Variants in NLRP7 observed in about 807,000 individuals in gnomAD.
NLRP7 encodes the protein NACHT, LRR and PYD domains-containing protein 7.
Under a neutral mutation model 85.5 loss-of-function variants are expected in NLRP7, and 72 were observed. The observed-to-expected ratio is 0.84, with a 90% CI of 0.70 to 1.02. The LOEUF is 1.02. Among genes scored for constraint, NLRP7 ranks in the 50% least tolerant of loss-of-function variants. The pLI is 0.00. For missense variants in NLRP7, 1,243 were observed against 1,219.5 expected (o/e 1.02, Z -0.29); for synonymous variants, 550 against 505.2 (o/e 1.09, Z -1.19).
intron 1 of NLRP7, among the ~76,000 whole-genome samples, chr19:54,964,349 T>C (rs1385828602): frequency 1.3e-5 from 2 of 149,264 alleles, no homozygotes; most frequent in Non-Finnish European, 1.5e-5. Flanking sequence ...CCCGAGTAGC[T>C]GGGACTACAG....
Position 54,934,749 on chromosome 19 carries a change from G to C in NLRP7, c.2301-90C>G. ...TTTTGAGACAGAGTTTCACTCTGTT[G>C]CCCAGTCTGGAATGCAAAGGCGTGA... On this transcript the variant is annotated intron_variant, in intron 6 of 9. Transcript: ENST00000340844. The surrounding 1 kb of genome is among the most constrained non-coding windows in gnomAD (Gnocchi z 6.7). 9.1e-7 allele frequency: 1 copy of C among 1,101,326 alleles called. No homozygotes were observed. The highest frequency in any genetic ancestry group is 1.3e-6 in the Non-Finnish European group (1 of 775,152). The allele number at this position is 1,101,326 out of a possible 1,614,324, so 68.2% of individuals were successfully genotyped here.
chr19:54,932,827 T>G (rs115859917), intron 8 of NLRP7, among the ~76,000 whole-genome samples: 1,600 of 152,152 alleles, frequency 0.011, 31 homozygotes, highest in African/African-American at 0.037. Flanking sequence ...GGTTAATTTT[T>G]GTATTTTTTA....
At chr19:54,940,391 A>G (rs780234077) in exon 4 of NLRP7, 34 of 1,613,988 alleles carry the variant, frequency 2.1e-5, no homozygotes, top group African/African-American at 1.2e-4. Context: ...GAAATTGTCA[A>G]TGTCTCCTTG....
intron 1 of NLRP7, among the ~76,000 whole-genome samples, chr19:54,943,588 G>A (rs375259848): frequency 6.4e-5 from 9 of 140,692 alleles, no homozygotes; most frequent in South Asian, 5.4e-4. Context: ...GCGACAGAGC[G>A]AGACTCCGTC....
intron 1 of NLRP7, among the ~76,000 whole-genome samples, chr19:54,955,842 C>T (rs867660869): frequency 1.1e-4 from 16 of 151,986 alleles, no homozygotes; most frequent in Admixed American, 1.3e-4. Context: ...GCCTCAGCCT[C>T]CCAAGTAGCT....
At chr19:54,949,813 G>C (rs527349355), upstream of NLRP7, among the ~76,000 whole-genome samples, 13 of 152,192 alleles carry the variant, frequency 8.5e-5, no homozygotes, top group African/African-American at 1.4e-4. Flanking sequence ...AAAAGAAAAG[G>C]GTTTGGGCCG....
At chr19:54,929,386 G>A (rs12974742) in intron 9 of NLRP7, among the ~76,000 whole-genome samples, 12,803 of 132,632 alleles carry the variant, frequency 0.097, 915 homozygotes, top group East Asian at 0.38. Context: ...AAAGTACCCT[G>A]TGTTCTAGTG....
At chr19:54,936,454 C>T (rs911497904) in intron 5 of NLRP7, 23 bp from the exon 6 acceptor site, 4 of 1,596,926 alleles carry the variant, frequency 2.5e-6, no homozygotes, top group East Asian at 4.5e-5. Flanking sequence ...AGAAGAGATT[C>T]CACTTGGAGT....
At chr19:54,947,959 A>G (rs1228363534), upstream of NLRP7, 1 of 245,276 alleles carries the variant, frequency 4.1e-6, no homozygotes, top group African/African-American at 2.3e-5. Flanking sequence ...TTTGTGGCCA[A>G]CTGTGGTGCC....
chr19:54,941,313 G>C (rs936768831), intron 2 of NLRP7, 122 bp downstream of exon 2: 10 of 747,336 alleles, frequency 1.3e-5, no homozygotes, highest in Non-Finnish European at 2.0e-5. Flanking sequence ...AGGTTGCAGT[G>C]AGCCCAGATC....
At chr19:54,956,778 C>A (rs2069870981) in intron 1 of NLRP7, among the ~76,000 whole-genome samples, 2 of 151,456 alleles carry the variant, frequency 1.3e-5, no homozygotes. Context: ...CACTGACACC[C>A]AACACCACGC....
At chr19:54,927,982 C>A (rs536283706) in intron 9 of NLRP7, among the ~76,000 whole-genome samples, 12 of 152,228 alleles carry the variant, frequency 7.9e-5, no homozygotes, top group Non-Finnish European at 2.9e-5. Flanking sequence ...AGCCCCAGCA[C>A]CTTGGGAGGC....
At chr19:54,954,296 G>A (rs1395367046) in intron 1 of NLRP7, among the ~76,000 whole-genome samples, 2 of 148,458 alleles carry the variant, frequency 1.3e-5, no homozygotes, top group African/African-American at 2.5e-5. Context: ...GGAGGCCGAG[G>A]CGGGTGGATC....
intron 1 of NLRP7, among the ~76,000 whole-genome samples, chr19:54,943,131 G>A (rs1243233211): frequency 1.3e-5 from 2 of 150,372 alleles, no homozygotes; most frequent in African/African-American, 4.9e-5. Context: ...TGGGCAACAA[G>A]AGCGAAACTC....
chr19:54,930,621 T>A (rs1360300938), exon 9 of NLRP7: 1 of 1,613,010 alleles, frequency 6.2e-7, no homozygotes, highest in Non-Finnish European at 8.5e-7. Context: ...GGAGCGCCTC[T>A]GAGAGATATC....
At chr19:54,927,664 A>C in intron 9 of NLRP7, 6 of 1,614,116 alleles carry the variant, frequency 3.7e-6, no homozygotes, top group Non-Finnish European at 5.1e-6. Flanking sequence ...TAATTATGCC[A>C]CTCTTCCACA....
In NLRP7 at chr19:54,932,679, G is replaced by A. The variant is rs143611432; in HGVS notation, c.2642+890C>T. ...TTTTTTTTTGTTTTTTTCTTGAGAC[G>A]GAGTCTCACTCTGTCGCCCGGGCTG... On this transcript the variant is annotated intron_variant, in intron 8 of 9. Transcript: ENST00000340844. Among the ~76,000 whole-genome samples the A allele has an allele frequency of 2.9e-3, 445 of 151,564 alleles. 3 individuals carry two copies. The highest frequency in any genetic ancestry group is 9.2e-3 in the African/African-American group (378 of 41,284).
chr19:54,950,148 G>A (rs2069623172), upstream of NLRP7, among the ~76,000 whole-genome samples: 1 of 151,044 alleles, frequency 6.6e-6, no homozygotes, highest in Non-Finnish European at 1.5e-5. Context: ...CCTGGTTGGT[G>A]AACCCGGGTG....
At chr19:54,927,336 G>A (rs906368489) in intron 9 of NLRP7, among the ~76,000 whole-genome samples, 1 of 150,474 alleles carries the variant, frequency 6.6e-6, no homozygotes, top group South Asian at 2.1e-4. Context: ...AGCCAAGATC[G>A]CACCACTGCA....
Sources: allele counts gnomAD v4.1 joint callset (sites outside exome capture counted in the v4.1 genomes callset), GRCh38; gene constraint gnomAD v4.1.1; non-coding constraint Gnocchi (gnomAD v3.1); transcripts MANE v1.5; gene names NCBI Gene and HGNC (gene_info 2026-07-23, HGNC 2026-07-21).